Variants in SLC24A5 observed in about 807,000 individuals in gnomAD.
The protein encoded by SLC24A5 is sodium/potassium/calcium exchanger 5.
A neutral mutation model predicts 51.6 loss-of-function variants in SLC24A5; 46 were observed. The ratio of observed to expected loss-of-function variants is 0.89; its 90% confidence interval spans 0.70 to 1.14. The LOEUF (loss-of-function observed/expected upper bound fraction) is 1.14, where lower values mean the gene tolerates loss of function less well. Among genes scored for constraint, SLC24A5 ranks in the 50% most tolerant of loss-of-function variants. The pLI is 0.00. For missense variants in SLC24A5, 581 were observed against 604.1 expected (o/e 0.96, Z 0.40); for synonymous variants, 230 against 214.9 (o/e 1.07, Z -0.62).
intron 7 of SLC24A5, chr15:48,139,702 A>T (rs986503436): frequency 2.0e-5 from 3 of 152,330 alleles, no homozygotes; most frequent in African/African-American, 7.2e-5. Context: ...TACTACCTTC[A>T]TGATTAAGAC....
intron 4 of SLC24A5, 104 bp from the exon 5 acceptor site, chr15:48,134,780 T>C (rs1233508121): frequency 2.1e-6 from 2 of 938,474 alleles, no homozygotes; most frequent in Admixed American, 5.3e-5. Flanking sequence ...ATGCAAAAGA[T>C]AACAATATTT....
At position 48,142,498 on chromosome 15, in the gene SLC24A5, T is replaced by C. The variant is rs1014499440; in HGVS notation, c.*147T>C. 6.7e-6 allele frequency: 4 copies of C among 599,048 alleles called. No individual in the cohort carries two copies. Among genetic ancestry groups the C allele is most frequent in the Non-Finnish European group, 1.1e-5 (4 of 377,088 alleles). 37.1% of individuals were successfully genotyped at this position (599,048 alleles called of 1,614,324 possible). A position where few individuals can be genotyped will look rare whatever the true frequency, so the allele number is the denominator to read the frequency against. ...TTTAAAACCAACCAAAATCACATCC[T>C]AATTTTTCTGAGCCCTTTCTTTTCA... is the stretch of plus-strand genomic sequence containing the variant. On this transcript the variant is annotated 3_prime_UTR_variant, in exon 9 of 9. Coordinates refer to ENST00000341459, the MANE Select transcript of SLC24A5 (RefSeq NM_205850.3).
At position 48,130,048 on chromosome 15, in the gene SLC24A5, A is replaced by G. The variant is rs540709362; in HGVS notation, c.302-4210A>G. ...CATCACAGAAAAAAACACATTTAAG[A>G]AAAAGTCTGATGAATTTTCATAATC... On this transcript the variant is annotated intron_variant, in intron 2 of 8. Coordinates refer to ENST00000341459, the MANE Select transcript of SLC24A5 (RefSeq NM_205850.3). Among the ~76,000 whole-genome samples, 3 of 152,306 alleles carry G rather than the reference A, an allele frequency of 2.0e-5. No individual in the cohort carries two copies. In the East Asian group the frequency reaches 5.8e-4, roughly 29 times the overall value.
intron 2 of SLC24A5, chr15:48,124,186 A>T (rs143362635): frequency 3.7e-4 from 57 of 152,254 alleles, no homozygotes; most frequent in African/African-American, 1.3e-3. Flanking sequence ...TTTTATAACT[A>T]GAAAGGCATT....
At chr15:48,121,203 AGCT>A (rs753332469) in intron 1 of SLC24A5, 38 bp downstream of exon 1, 28 of 1,563,228 alleles carry the variant, frequency 1.8e-5, no homozygotes, top group African/African-American at 4.1e-5. Flanking sequence ...CTGCAGCAGC[AGCT>A]GCTGCTGCTG....
At chr15:48,136,478 C>T (rs1176508348) in intron 5 of SLC24A5, 1 of 387,530 alleles carries the variant, frequency 2.6e-6, no homozygotes, top group East Asian at 4.0e-5. Context: ...AAAAAAACAA[C>T]ACAGAAGTGT....
intron 2 of SLC24A5, among the ~76,000 whole-genome samples, chr15:48,129,643 T>C (rs2038768930): frequency 6.6e-6 from 1 of 152,128 alleles, no homozygotes; most frequent in Admixed American, 6.6e-5. Context: ...ACAGGAGTGG[T>C]TAAAATACTA....
intron 2 of SLC24A5, among the ~76,000 whole-genome samples, chr15:48,130,073 C>T (rs2038774356): frequency 6.6e-6 from 1 of 152,050 alleles, no homozygotes; most frequent in South Asian, 2.1e-4. Context: ...TTTTCATAAT[C>T]AGCTCATTAC....
At chr15:48,126,561 G>A (rs571129004) in intron 2 of SLC24A5, among the ~76,000 whole-genome samples, 1 of 152,298 alleles carries the variant, frequency 6.6e-6, no homozygotes, top group East Asian at 1.9e-4. Flanking sequence ...ATCAGAAGAG[G>A]AGCATTATCC....
Position 48,134,894 on chromosome 15 carries a change from T to G in SLC24A5, c.500T>G (p.Leu167Arg). 6.2e-7 allele frequency: 1 copy of G among 1,609,282 alleles called. No individual in the cohort carries two copies. Among genetic ancestry groups the G allele is most frequent in the Non-Finnish European group, 8.5e-7 (1 of 1,176,668 alleles). The change falls in exon 5 of 9, where the codon CTA (leucine) becomes CGA (arginine). Residue 167 changes from leucine to arginine, a missense_variant. Leu to Arg is a moderately radical substitution (Grantham distance 102). Coordinates refer to ENST00000341459, the MANE Select transcript of SLC24A5 (RefSeq NM_205850.3). ...CTTACCATATTACAGGTCTCAACAC[T>G]ATCATGTTGGCCCCTATTCAGAGAC... Reference protein sequence around the residue: ...CGLLSNTVSTLSCWPLFRDCA... With the variant: ...CGLLSNTVSTRSCWPLFRDCA...
chr15:48,129,234 TTA>T (rs2038763761), intron 2 of SLC24A5, among the ~76,000 whole-genome samples: 1 of 152,162 alleles, frequency 6.6e-6, no homozygotes, highest in African/African-American at 2.4e-5. Context: ...GTTATCTTAC[TTA>T]TTGTTAAAAA....
intron 6 of SLC24A5, 85 bp from the exon 7 acceptor site, chr15:48,138,884 A>G (rs1232432991): frequency 2.0e-6 from 2 of 992,722 alleles, no homozygotes; most frequent in African/African-American, 3.3e-5. Context: ...CAGCTAATTT[A>G]TTTCAATATA....
chr15:48,123,244 G>A (rs984238363), intron 2 of SLC24A5: 2 of 151,320 alleles, frequency 1.3e-5, no homozygotes, highest in African/African-American at 2.4e-5. Context: ...TTATCTTGAC[G>A]TTACATCTTA....
chr15:48,129,001 G>A (rs2038761156), intron 2 of SLC24A5, among the ~76,000 whole-genome samples: 1 of 152,126 alleles, frequency 6.6e-6, no homozygotes, highest in African/African-American at 2.4e-5. Flanking sequence ...AACAAAAAAT[G>A]AAGTAATTGT....
Position 48,134,309 on chromosome 15 carries a change from G to T in SLC24A5, c.353G>T (p.Ser118Ile). 1.2e-6 allele frequency: 2 copies of T among 1,613,644 alleles called. No homozygotes were observed. The highest frequency in any genetic ancestry group is 1.7e-6 in the Non-Finnish European group (2 of 1,179,650). The change falls in exon 3 of 9, where the codon AGT (serine) becomes ATT (isoleucine). Residue 118 changes from serine to isoleucine, a missense_variant. Ser to Ile is a moderately radical substitution (Grantham distance 142). Coordinates refer to ENST00000341459, the MANE Select transcript of SLC24A5 (RefSeq NM_205850.3). ...VAGTTFMAAGSSAPELVTAFL... is the reference protein window; with the variant it reads ...VAGTTFMAAGISAPELVTAFL... ...GGCACAACTTTCATGGCAGCGGGCAGTTCAGCTCCTGAATTAGTTACTGCT... is the reference window on the plus strand; with the variant it reads ...GGCACAACTTTCATGGCAGCGGGCATTTCAGCTCCTGAATTAGTTACTGCT...
At chr15:48,135,118 A>G in intron 5 of SLC24A5, 134 bp downstream of exon 5, 2 of 614,598 alleles carry the variant, frequency 3.3e-6, no homozygotes, top group Non-Finnish European at 5.7e-6. Flanking sequence ...CAGGTCTGTG[A>G]GTTAACCTCA....
chr15:48,138,386 C>T (rs1312842609), intron 6 of SLC24A5: 2 of 151,882 alleles, frequency 1.3e-5, no homozygotes, highest in Admixed American at 1.3e-4. Context: ...TATACTACCT[C>T]CTACTTTAAG....
intron 7 of SLC24A5, chr15:48,140,721 T>G (rs925094391): frequency 2.2e-5 from 4 of 180,716 alleles, no homozygotes; most frequent in African/African-American, 9.6e-5. Context: ...ATAGCTATAA[T>G]TAATTTGCTT....
At chr15:48,141,920 C>A in intron 8 of SLC24A5, 109 bp from the exon 9 acceptor site, 1 of 842,952 alleles carries the variant, frequency 1.2e-6, no homozygotes, top group Non-Finnish European at 1.7e-6. Context: ...AACAATTTTT[C>A]AAAACGAATC....
Sources: allele counts gnomAD v4.1 joint callset (sites outside exome capture counted in the v4.1 genomes callset), GRCh38; gene constraint gnomAD v4.1.1; transcripts MANE v1.5; gene names NCBI Gene and HGNC (gene_info 2026-07-23, HGNC 2026-07-21).